CNOT4: variants seen among roughly 807,000 people sequenced by gnomAD.
The protein encoded by CNOT4 is CCR4-NOT transcription complex subunit 4.
A neutral mutation model predicts 73.8 loss-of-function variants in CNOT4; 8 were observed. The observed-to-expected ratio is 0.11, with a 90% CI of 0.06 to 0.20. The LOEUF (loss-of-function observed/expected upper bound fraction) is 0.20, where lower values mean the gene tolerates loss of function less well. Ranked by LOEUF, CNOT4 falls within the 10% of genes least tolerant of loss-of-function variation. The probability of loss-of-function intolerance (pLI) is 1.00; values close to 1 mark genes in which losing one functional copy is unlikely to be tolerated. For synonymous variants in CNOT4, 293 were observed against 321.1 expected (o/e 0.91, Z 0.94); for missense variants, 564 against 883.4 (o/e 0.64, Z 4.58).
intron 10 of CNOT4, chr7:135,388,606 A>G: frequency 8.3e-7 from 1 of 1,198,744 alleles, no homozygotes; most frequent in East Asian, 3.4e-5. Flanking sequence ...CTAATAAATT[A>G]TGTTAAAGGC....
intron 10 of CNOT4, among the ~76,000 whole-genome samples, chr7:135,389,178 A>C (rs958568024): frequency 7.9e-6 from 1 of 126,106 alleles, no homozygotes; most frequent in Non-Finnish European, 1.7e-5. Context: ...AAAAAAAAAA[A>C]GACCAGGAAA....
chr7:135,422,305 G>A lies in CNOT4; in HGVS notation c.223C>T (p.Leu75=), dbSNP rs1462067795. ...AVYKPLSQEE[L]QRIKNEKKQK... ...TTTTTCTCATTCTTTATCCTTTGCA[G>A]CTCTTCCTGGGAGAGTGGTTTATAA... The change falls in exon 3 of 12, where the codon CTG becomes TTG. Residue 75 remains leucine, a synonymous_variant. Coordinates refer to ENST00000541284, the MANE Select transcript of CNOT4 (RefSeq NM_001190850.2). 1 of 1,576,388 alleles carries A rather than the reference G, an allele frequency of 6.3e-7. No homozygotes were observed. Among genetic ancestry groups the A allele is most frequent in the Non-Finnish European group, 8.7e-7 (1 of 1,145,910 alleles).
chr7:135,441,150 C>T (rs1799456155), intron 1 of CNOT4, among the ~76,000 whole-genome samples: 1 of 151,822 alleles, frequency 6.6e-6, no homozygotes, highest in Non-Finnish European at 1.5e-5. Context: ...CGTTTAGACA[C>T]CAAAATGTTG....
chr7:135,481,473 G>C (rs1373061061), intron 1 of CNOT4, among the ~76,000 whole-genome samples: 2 of 152,158 alleles, frequency 1.3e-5, no homozygotes, highest in East Asian at 3.8e-4. Flanking sequence ...CAGAGAAAAA[G>C]AGAACTCTTA....
intron 1 of CNOT4, among the ~76,000 whole-genome samples, chr7:135,451,832 T>A (rs1800187559): frequency 6.6e-6 from 1 of 152,222 alleles, no homozygotes; most frequent in South Asian, 2.1e-4. Context: ...TTAAAGAGTA[T>A]TAAACTTTGA....
chr7:135,447,213 T>C (rs1799887077), intron 1 of CNOT4, among the ~76,000 whole-genome samples: 1 of 152,150 alleles, frequency 6.6e-6, no homozygotes, highest in East Asian at 1.9e-4. Flanking sequence ...CAAAGCATGT[T>C]ATTTACATAA....
chr7:135,369,492 C>CA (rs547967366), intron 10 of CNOT4, among the ~76,000 whole-genome samples: 13 of 152,134 alleles, frequency 8.5e-5, no homozygotes, highest in Non-Finnish European at 1.9e-4. Flanking sequence ...TGGTCATTAC[C>CA]AAAAGGCTCA....
intron 10 of CNOT4, among the ~76,000 whole-genome samples, chr7:135,366,273 A>T (rs1794908561): frequency 1.3e-5 from 2 of 152,256 alleles, no homozygotes; most frequent in South Asian, 4.1e-4. Context: ...TTTTGCATTA[A>T]CAGAATAACA....
intron 7 of CNOT4, among the ~76,000 whole-genome samples, chr7:135,403,229 C>A (rs1797096267): frequency 6.6e-6 from 1 of 152,190 alleles, no homozygotes; most frequent in Non-Finnish European, 1.5e-5. Context: ...AATACTCCCA[C>A]ATATATTCAT....
Position 135,414,797 on chromosome 7 carries a change from C to T in CNOT4, c.460-365G>A, listed in dbSNP as rs937585474. Among the ~76,000 whole-genome samples, 15 of 151,946 alleles carry T rather than the reference C, an allele frequency of 9.9e-5. No individual in the cohort carries two copies. In the South Asian group the frequency reaches 3.1e-3, roughly 31 times the overall value. On this transcript the variant is annotated intron_variant, in intron 4 of 11. Coordinates refer to ENST00000541284, the MANE Select transcript of CNOT4 (RefSeq NM_001190850.2). ...CAAATTACATTCTCAAAAATAAATGCAATCTGGAAAACTATTCTATCTGAT... is the reference window on the plus strand; with the variant it reads ...CAAATTACATTCTCAAAAATAAATGTAATCTGGAAAACTATTCTATCTGAT...
intron 10 of CNOT4, chr7:135,384,502 G>T (rs1796017609): frequency 1.7e-6 from 1 of 579,090 alleles, no homozygotes; most frequent in Non-Finnish European, 3.1e-6. Flanking sequence ...AGCCAGGATG[G>T]TCTCGATCTC....
intron 10 of CNOT4, chr7:135,384,312 T>G: frequency 6.1e-6 from 1 of 164,872 alleles, no homozygotes; most frequent in Non-Finnish European, 1.3e-5. Context: ...TTAGACGGAG[T>G]CTCGCTCTGT....
chr7:135,380,637 A>C lies in CNOT4; in HGVS notation c.1627+13281T>G, dbSNP rs3812276. On this transcript the variant is annotated intron_variant, in intron 10 of 11. Transcript: ENST00000541284. ...TTGACTTGAGAGACCTACTGTAATT[A>C]AACTGTAAGACACAATAATGTTTAG... Among the ~76,000 whole-genome samples, 345 of 152,322 alleles carry C rather than the reference A, an allele frequency of 2.3e-3. 2 individuals carry two copies. The East Asian group carries it at 0.027, about 12-fold the overall frequency.
chr7:135,411,853 T>C (rs901697058), intron 6 of CNOT4, among the ~76,000 whole-genome samples: 2 of 151,946 alleles, frequency 1.3e-5, no homozygotes, highest in African/African-American at 4.8e-5. Context: ...ACTTGCTTGT[T>C]TCTATTGGAC....
At chr7:135,475,941 GA>G (rs1801964145) in intron 1 of CNOT4, among the ~76,000 whole-genome samples, 1 of 151,596 alleles carries the variant, frequency 6.6e-6, no homozygotes. Flanking sequence ...AAAAATGAGG[GA>G]AAAAAGTCTA....
intron 3 of CNOT4, among the ~76,000 whole-genome samples, chr7:135,421,679 G>A (rs1034593760): frequency 6.6e-6 from 1 of 152,150 alleles, no homozygotes; most frequent in Non-Finnish European, 1.5e-5. Flanking sequence ...AAATGAATAA[G>A]AATGATGAGA....
chr7:135,466,623 C>T (rs1330648146), intron 1 of CNOT4, among the ~76,000 whole-genome samples: 1 of 152,088 alleles, frequency 6.6e-6, no homozygotes, highest in African/African-American at 2.4e-5. Context: ...ATGTCCTAGG[C>T]CTTCGTATTC....
At chr7:135,476,715 T>C (rs2129487020) in intron 1 of CNOT4, among the ~76,000 whole-genome samples, 1 of 152,290 alleles carries the variant, frequency 6.6e-6, no homozygotes, top group East Asian at 1.9e-4. Flanking sequence ...CTCATGCCTG[T>C]AATACCAGCA....
intron 8 of CNOT4, among the ~76,000 whole-genome samples, chr7:135,397,848 C>G (rs17168422): frequency 0.032 from 4,902 of 152,056 alleles, 293 homozygotes; most frequent in African/African-American, 0.11. Context: ...GGTAGGAATA[C>G]AATTCTTAAA....
Sources: gnomAD v4.1 joint callset for allele counts (sites outside exome capture counted in the v4.1 genomes callset) on GRCh38, gnomAD v4.1.1 for gene constraint, MANE v1.5 for transcripts, NCBI Gene and HGNC (gene_info 2026-07-23, HGNC 2026-07-21) for gene names.